Variants in DLG4 observed in about 807,000 individuals in gnomAD.
DLG4 encodes discs large MAGUK scaffold protein 4.
In DLG4, 7 loss-of-function variants were observed where a neutral mutation model predicts 93.8. The observed-to-expected ratio is 0.07, with a 90% CI of 0.04 to 0.14. The LOEUF is 0.14. Among genes scored for constraint, DLG4 ranks in the 10% least tolerant of loss-of-function variants. The pLI, the probability that DLG4 is intolerant of heterozygous loss-of-function variation, is 1.00. For synonymous variants in DLG4, 341 were observed against 387.6 expected, an observed-to-expected ratio of 0.88 and a Z score of 1.41; for missense variants, 545 against 992.9, an observed-to-expected ratio of 0.55 and a Z score of 6.06.
chr17:7,204,339 C>T, intron 2 of DLG4, 87 bp from the exon 3 acceptor site: 1 of 1,336,230 alleles, frequency 7.5e-7, no homozygotes, highest in East Asian at 2.4e-5. Context: ...GCGTGGCTAC[C>T]CTTTCAGCCT....
At chr17:7,198,575 C>T (rs1237072460) in intron 8 of DLG4, among the ~76,000 whole-genome samples, 3 of 151,624 alleles carry the variant, frequency 2.0e-5, no homozygotes, top group African/African-American at 4.8e-5. Context: ...TGAGGCTGGG[C>T]GCAGTGGCTC....
chr17:7,189,421 A>T lies in DLG4; in HGVS notation c.*1287T>A, dbSNP rs574027376. Among the ~76,000 whole-genome samples, 1 of 151,934 alleles carries T rather than the reference A, an allele frequency of 6.6e-6. No individual in the cohort carries two copies. Among genetic ancestry groups the T allele is most frequent in the East Asian group, 1.9e-4 (1 of 5,154 alleles). On this transcript the variant is annotated 3_prime_UTR_variant, in exon 20 of 20. Transcript: ENST00000399506. Reference sequence around the variant, plus strand: ...GGAGAATCACTTGAACCAGGGTGGCAGAGATCACAGTGAGCCGAGATCGAG... The same window carrying T: ...GGAGAATCACTTGAACCAGGGTGGCTGAGATCACAGTGAGCCGAGATCGAG...
In DLG4 at chr17:7,194,426, C is replaced by A. The variant is rs376437516; in HGVS notation, c.1371G>T (p.Gly457=). The change falls in exon 12 of 20, where the codon GGG becomes GGT. Residue 457 remains glycine, a synonymous_variant. Transcript: ENST00000399506. This position sits in a 1 kb window ranked among gnomAD's most constrained non-coding sequence, Gnocchi z 4.4. ...FLSQALSFRF[G]DVLHVIDASD... ...TAGCATCGATGACATGCAGCACATCCCCAAAGCGGAAGCTCAGGGCCTGGC... is the reference window on the plus strand; with the variant it reads ...TAGCATCGATGACATGCAGCACATCACCAAAGCGGAAGCTCAGGGCCTGGC... 1.9e-5 allele frequency: 30 copies of A among 1,612,374 alleles called. No individual in the cohort carries two copies. Among genetic ancestry groups the A allele is most frequent in the Non-Finnish European group, 2.4e-5 (28 of 1,179,342 alleles).
chr17:7,193,337 G>A lies in DLG4; in HGVS notation c.1693+146C>T. 1.0e-6 allele frequency: 1 copy of A among 996,876 alleles called. No homozygotes were observed. The highest frequency in any genetic ancestry group is 1.7e-5 in the South Asian group (1 of 57,514). 61.8% of individuals were successfully genotyped at this position (996,876 alleles called of 1,614,324 possible). A position where few individuals can be genotyped will look rare whatever the true frequency, so the allele number is the denominator to read the frequency against. On this transcript the variant is annotated intron_variant, in intron 16 of 19. Coordinates refer to ENST00000399506, the MANE Select transcript of DLG4 (RefSeq NM_001321075.3). This position sits in a 1 kb window ranked among gnomAD's most constrained non-coding sequence, Gnocchi z 6.7. ...CATGGGTACTATGGAATGAGAGGGT[G>A]GCTGAGAAGCACCCCTTCTCGGAGA... is the stretch of plus-strand genomic sequence containing the variant.
chr17:7,195,206 G>A lies in DLG4; in HGVS notation c.1302-711C>T, dbSNP rs191116921. Among the ~76,000 whole-genome samples, 2 of 152,228 alleles carry A rather than the reference G, an allele frequency of 1.3e-5. No homozygotes were observed. The highest frequency in any genetic ancestry group is 1.3e-4 in the Admixed American group (2 of 15,294). ...TCTATCAGTAAGTCACAACCCCTGG[G>A]GTCAGAACCAGGGAAGTAATGAAGA... On this transcript the variant is annotated intron_variant, in intron 11 of 19. Transcript: ENST00000399506. The surrounding 1 kb of genome is among the most constrained non-coding windows in gnomAD (Gnocchi z 4.3).
At chr17:7,207,727 C>T (rs1032802497) in intron 2 of DLG4, among the ~76,000 whole-genome samples, 14 of 151,078 alleles carry the variant, frequency 9.3e-5, no homozygotes, top group East Asian at 1.9e-4. Context: ...AAACGGCGCA[C>T]GCACGCACAC....
chr17:7,203,918 A>C lies in DLG4; in HGVS notation c.210+90T>G. 3 of 1,587,808 alleles carry C rather than the reference A, an allele frequency of 1.9e-6. No individual in the cohort carries two copies. The highest frequency in any genetic ancestry group is 2.6e-6 in the Non-Finnish European group (3 of 1,166,674). ...TGGAGCAGCCAGAGGAGGAAGGCAC[A>C]GGGTGAGGGGCTAGCCACCCAGACC... On this transcript the variant is annotated intron_variant, in intron 4 of 19. Transcript: ENST00000399506. This position sits in a 1 kb window ranked among gnomAD's most constrained non-coding sequence, Gnocchi z 7.2.
At chr17:7,210,555 T>C (rs1057272300) in intron 1 of DLG4, among the ~76,000 whole-genome samples, 2 of 152,172 alleles carry the variant, frequency 1.3e-5, no homozygotes, top group Admixed American at 6.5e-5. Context: ...CAACAGAGAC[T>C]GTTCATTCCA....
intron 8 of DLG4, 42 bp from the exon 9 acceptor site, chr17:7,197,094 C>T: frequency 1.3e-6 from 2 of 1,530,832 alleles, no homozygotes; most frequent in South Asian, 2.5e-5. Flanking sequence ...TGGAGGGAAA[C>T]AGCACCCGCC....
chr17:7,205,902 C>T (rs1309829012), intron 2 of DLG4, among the ~76,000 whole-genome samples: 1 of 151,582 alleles, frequency 6.6e-6, no homozygotes, highest in African/African-American at 2.4e-5. Flanking sequence ...GCACACCCAC[C>T]TTCATCCACT....
At position 7,195,150 on chromosome 17, in the gene DLG4, AAAT is replaced by A; in HGVS notation, c.1302-658_1302-656del. Among the ~76,000 whole-genome samples the A allele has an allele frequency of 6.6e-6, 1 of 152,358 alleles. No homozygotes were observed. The highest frequency in any genetic ancestry group is 1.9e-4 in the East Asian group (1 of 5,190). On this transcript the variant is annotated intron_variant, in intron 11 of 19. Coordinates refer to ENST00000399506, the MANE Select transcript of DLG4 (RefSeq NM_001321075.3). The surrounding 1 kb of genome is among the most constrained non-coding windows in gnomAD (Gnocchi z 4.3). ...GAAAAAGAAAATGTCCCGTGTTTCC[AAAT>A]AATGGTTACCCTTACCAGTATCAAA...
Position 7,188,593 on chromosome 17 carries a change from G to A in DLG4, c.*2115C>T, listed in dbSNP as rs1238060295. Among the ~76,000 whole-genome samples, 1 of 151,958 alleles carries A rather than the reference G, an allele frequency of 6.6e-6. No homozygotes were observed. The highest frequency in any genetic ancestry group is 1.5e-5 in the Non-Finnish European group (1 of 67,984). ...CTCAGGAGCTTCAGTTAGGACTTAG[G>A]GCCAGGAAAATATGACTCCCTAAAA... On this transcript the variant is annotated 3_prime_UTR_variant, in exon 20 of 20. Transcript: ENST00000399506.
At position 7,207,777 on chromosome 17, in the gene DLG4, ACGCACAGGCACACACACAGCACACG is replaced by A. The variant is rs1333582305; in HGVS notation, c.96+372_96+396del. Among the ~76,000 whole-genome samples, 545 of 151,428 alleles carry A rather than the reference ACGCACAGGCACACACACAGCACACG, an allele frequency of 3.6e-3. 3 individuals are homozygous for A. Among genetic ancestry groups the A allele is most frequent in the African/African-American group, 0.013 (518 of 41,228 alleles). ...CACACAGGCACGCATGCATGCACAC[ACGCACAGGCACACACACAGCACACG>A]CGCACAGGCACGCGCGCACACACAC... is the stretch of plus-strand genomic sequence containing the variant. On this transcript the variant is annotated intron_variant, in intron 2 of 19. Transcript: ENST00000399506.
Position 7,196,934 on chromosome 17 carries a change from G to A in DLG4, c.906C>T (p.Leu302=), listed in dbSNP as rs893834234. The change falls in exon 9 of 20, where the codon CTC becomes CTT. Residue 302 remains leucine, a synonymous_variant. Transcript: ENST00000399506. The surrounding 1 kb of genome is among the most constrained non-coding windows in gnomAD (Gnocchi z 8.3). ...RRYSPVAKDL[L]GEEDIPREPR... ...GTTCTCGGGGAATGTCTTCCTCCCC[G>A]AGCAGGTCCTTGGCCACTGGAGAGT... 34 of 1,613,650 alleles carry A rather than the reference G, an allele frequency of 2.1e-5. No individual in the cohort carries two copies. Among genetic ancestry groups the A allele is most frequent in the Non-Finnish European group, 2.6e-5 (31 of 1,179,818 alleles).
At chr17:7,218,866 T>G (rs974132898), upstream of DLG4, 2 of 1,613,502 alleles carry the variant, frequency 1.2e-6, no homozygotes, top group African/African-American at 1.3e-5. Flanking sequence ...CTTCTCTCAC[T>G]TTAATCTCCC....
In DLG4 at chr17:7,194,381, C is replaced by T. The variant is rs1397419891; in HGVS notation, c.1416G>A (p.Gln472=). 1 of 1,612,970 alleles carries T rather than the reference C, an allele frequency of 6.2e-7. No individual in the cohort carries two copies. Among genetic ancestry groups the T allele is most frequent in the African/African-American group, 1.3e-5 (1 of 75,046 alleles). Residue 472 remains glutamine (Q), a synonymous_variant, in exon 12 of 20, where the codon CAG becomes CAA. Coordinates refer to ENST00000399506, the MANE Select transcript of DLG4 (RefSeq NM_001321075.3). This position sits in a 1 kb window ranked among gnomAD's most constrained non-coding sequence, Gnocchi z 4.4. Reference sequence around the variant, plus strand: ...CACTGTCAGAGTGGACCCGCCGTGCCTGCCACCACTCCTCATCACTAGCAT... The same window carrying T: ...CACTGTCAGAGTGGACCCGCCGTGCTTGCCACCACTCCTCATCACTAGCAT... ...VIDASDEEWW[Q]ARRVHSDSET...
In DLG4 at chr17:7,191,413, T is replaced by C; in HGVS notation, c.1977-55A>G. On this transcript the variant is annotated intron_variant, in intron 18 of 19. Transcript: ENST00000399506. The surrounding 1 kb of genome is among the most constrained non-coding windows in gnomAD (Gnocchi z 6.6). ...GACTGGACCCACCTGACCCTGCCTT[T>C]TATCTCCTCTATCCAGGAATGTTAA... 7.5e-7 allele frequency: 1 copy of C among 1,328,306 alleles called. No homozygotes were observed. The allele number at this position is 1,328,306 out of a possible 1,614,324, so 82.3% of individuals were successfully genotyped here.
upstream of DLG4, chr17:7,219,128 C>T (rs887583465): frequency 1.9e-6 from 1 of 527,630 alleles, no homozygotes; most frequent in Non-Finnish European, 3.3e-6. Context: ...AAGCTGAGCC[C>T]AGCTCTCTCT....
Position 7,190,613 on chromosome 17 carries a change from G to C in DLG4, c.*95C>G. Reference sequence around the variant, plus strand: ...GAAATAAATAAGAAGGGGTGGGAGGGAGGCCGGGGGGAGCCAAGGGCTTGG... The same window carrying C: ...GAAATAAATAAGAAGGGGTGGGAGGCAGGCCGGGGGGAGCCAAGGGCTTGG... On this transcript the variant is annotated 3_prime_UTR_variant, in exon 20 of 20. Transcript: ENST00000399506. 3 of 945,134 alleles carry C rather than the reference G, an allele frequency of 3.2e-6. No homozygotes were observed. Among genetic ancestry groups the C allele is most frequent in the Non-Finnish European group, 5.2e-6 (3 of 581,288 alleles). 58.5% of individuals were successfully genotyped at this position (945,134 alleles called of 1,614,324 possible). A position where few individuals can be genotyped will look rare whatever the true frequency, so the allele number is the denominator to read the frequency against.
Sources: gnomAD v4.1 joint callset for allele counts (sites outside exome capture counted in the v4.1 genomes callset) on GRCh38, gnomAD v4.1.1 for gene constraint, Gnocchi (gnomAD v3.1) non-coding constraint, MANE v1.5 for transcripts, NCBI Gene and HGNC (gene_info 2026-07-23, HGNC 2026-07-21) for gene names.